Variants in RANBP2 observed in about 807,000 individuals in gnomAD.
RANBP2 encodes the protein RAN binding protein 2, also known as E3 SUMO-protein ligase RanBP2.
A neutral mutation model predicts 303.6 loss-of-function variants in RANBP2; 57 were observed. The ratio of observed to expected loss-of-function variants is 0.19; its 90% CI spans 0.15 to 0.23. RANBP2 has a LOEUF of 0.23. Ranked by LOEUF, RANBP2 falls within the 10% of genes least tolerant of loss-of-function variation. The pLI, the probability that RANBP2 is intolerant of heterozygous loss-of-function variation, is 1.00. For synonymous variants in RANBP2, 1,167 were observed against 1,301.5 expected, an observed-to-expected ratio of 0.90 and a Z score of 2.23; for missense variants, 3,138 against 3,780.8, an observed-to-expected ratio of 0.83 and a Z score of 4.46.
the RANBP2 span, among the ~76,000 whole-genome samples, chr2:109,525,418 C>T: frequency 2.0e-5 from 3 of 152,320 alleles, no homozygotes; most frequent in South Asian, 4.1e-4. Context: ...CCCACCTTGG[C>T]CTCCCAAAGT....
the RANBP2 span, among the ~76,000 whole-genome samples, chr2:109,382,036 G>T: frequency 6.6e-6 from 1 of 152,128 alleles, no homozygotes; most frequent in South Asian, 2.1e-4. Flanking sequence ...TCCATAAGTT[G>T]CTGAAACTGG....
the RANBP2 span, among the ~76,000 whole-genome samples, chr2:108,832,032 T>C: frequency 6.6e-6 from 1 of 150,474 alleles, no homozygotes; most frequent in Non-Finnish European, 1.5e-5. Context: ...CACGCACAGC[T>C]TTTTTTCTCT....
At chr2:108,748,334 A>G (rs1313885161) in intron 8 of RANBP2, among the ~76,000 whole-genome samples, 1 of 148,992 alleles carries the variant, frequency 6.7e-6, no homozygotes, top group African/African-American at 2.5e-5. Flanking sequence ...CAGCCTCCCC[A>G]GTAGCTGGGA....
At chr2:108,824,066 G>A in the RANBP2 span, among the ~76,000 whole-genome samples, 4 of 152,082 alleles carry the variant, frequency 2.6e-5, no homozygotes, top group African/African-American at 9.7e-5. Context: ...CTCTGGGAGA[G>A]TCAGTGAGTG....
At chr2:109,626,940 G>A in the RANBP2 span, among the ~76,000 whole-genome samples, 117 of 152,282 alleles carry the variant, frequency 7.7e-4, no homozygotes, top group African/African-American at 2.8e-3. Context: ...AGTGGGCTAC[G>A]GCTGGGTGGT....
chr2:109,308,899 T>C, the RANBP2 span, among the ~76,000 whole-genome samples: 5 of 78,976 alleles, frequency 6.3e-5, no homozygotes, highest in South Asian at 3.6e-4. Flanking sequence ...ATTGACTTGG[T>C]GATGCGGGCC....
At chr2:109,586,998 G>GA in the RANBP2 span, among the ~76,000 whole-genome samples, 1 of 151,888 alleles carries the variant, frequency 6.6e-6, no homozygotes, top group Non-Finnish European at 1.5e-5. Flanking sequence ...ATTATGACAG[G>GA]AAAAAAACAG....
chr2:108,857,065 GCTTTTTTTT>G, the RANBP2 span: 1 of 55,346 alleles, frequency 1.8e-5, no homozygotes, highest in South Asian at 5.4e-4. Flanking sequence ...AGATACTATT[GCTTTTTTTT>G]TTTTTTTTTT....
the RANBP2 span, among the ~76,000 whole-genome samples, chr2:109,319,942 C>T: frequency 6.6e-6 from 1 of 152,164 alleles, no homozygotes; most frequent in African/African-American, 2.4e-5. Flanking sequence ...GCAAGGTGAA[C>T]GAGCTGCTGT....
At chr2:109,684,300 G>A in the RANBP2 span, among the ~76,000 whole-genome samples, 2 of 142,902 alleles carry the variant, frequency 1.4e-5, no homozygotes, top group East Asian at 4.1e-4. Context: ...GGAGTGCAGT[G>A]GCATGATCTC....
At chr2:109,330,144 G>A in the RANBP2 span, among the ~76,000 whole-genome samples, 15 of 152,370 alleles carry the variant, frequency 9.8e-5, no homozygotes, top group Admixed American at 9.1e-4. Flanking sequence ...TGGGGCAGCT[G>A]TGAGATACTT....
the RANBP2 span, chr2:109,127,447 T>C: frequency 1.3e-5 from 2 of 152,392 alleles, no homozygotes; most frequent in South Asian, 2.1e-4. Flanking sequence ...TCTAATGGCA[T>C]GTAAACTTTA....
chr2:108,887,899 AC>A, the RANBP2 span, among the ~76,000 whole-genome samples: 1 of 152,160 alleles, frequency 6.6e-6, no homozygotes, highest in Non-Finnish European at 1.5e-5. Context: ...GATTTCCAGT[AC>A]TACATTGAAT....
the RANBP2 span, among the ~76,000 whole-genome samples, chr2:108,982,005 G>A: frequency 1.3e-5 from 2 of 152,216 alleles, no homozygotes; most frequent in East Asian, 1.9e-4. Flanking sequence ...GATGCTTCCC[G>A]TCCTCAAAGA....
the RANBP2 span, among the ~76,000 whole-genome samples, chr2:109,171,050 C>G: frequency 2.6e-5 from 4 of 152,238 alleles, no homozygotes; most frequent in African/African-American, 9.6e-5. Flanking sequence ...GAGTCTGTGT[C>G]CTGGTTTGGT....
At chr2:108,775,691 G>A (rs1431679846) in intron 23 of RANBP2, 41 bp from the exon 24 acceptor site, 1 of 1,593,614 alleles carries the variant, frequency 6.3e-7, no homozygotes, top group South Asian at 1.1e-5. Context: ...TTGTAAATTA[G>A]CATTTAAGTG....
chr2:109,502,371 T>G, the RANBP2 span: 1 of 152,264 alleles, frequency 6.6e-6, no homozygotes, highest in African/African-American at 2.4e-5. Flanking sequence ...ATATTTCTAA[T>G]AGGTCAGACA....
At chr2:109,000,418 C>T in the RANBP2 span, among the ~76,000 whole-genome samples, 1 of 151,960 alleles carries the variant, frequency 6.6e-6, no homozygotes, top group African/African-American at 2.4e-5. Flanking sequence ...TCCCAGCTAT[C>T]GGGAGGCTGA....
At chr2:108,984,128 T>C in the RANBP2 span, among the ~76,000 whole-genome samples, 1 of 152,212 alleles carries the variant, frequency 6.6e-6, no homozygotes, top group Admixed American at 6.5e-5. Flanking sequence ...ATGGATCCCT[T>C]TGGCATGTGT....
Sources: gnomAD v4.1 joint callset for allele counts (sites outside exome capture counted in the v4.1 genomes callset) on GRCh38, gnomAD v4.1.1 for gene constraint, MANE v1.5 for transcripts, NCBI Gene and HGNC (gene_info 2026-07-23, HGNC 2026-07-21) for gene names.